The following PNKD variants were observed in gnomAD, a reference collection of about 807,000 sequenced individuals.
PNKD encodes the protein probable thioesterase PNKD.
A neutral mutation model predicts 45.3 loss-of-function variants in PNKD; 36 were observed. That is an observed-to-expected ratio of 0.80 (90% confidence interval 0.61 to 1.05). The LOEUF (loss-of-function observed/expected upper bound fraction) is 1.05. Among genes scored for constraint, PNKD ranks in the 50% least tolerant of loss-of-function variants. PNKD has a pLI of 0.00. For missense variants in PNKD, 511 were observed against 506.6 expected, an observed-to-expected ratio of 1.01 and a Z score of -0.08; for synonymous variants, 197 against 210.1, an observed-to-expected ratio of 0.94 and a Z score of 0.54.
At chr2:218,298,012 AGAG>A (rs925969201) in intron 2 of PNKD, among the ~76,000 whole-genome samples, 2 of 135,618 alleles carry the variant, frequency 1.5e-5, no homozygotes, top group African/African-American at 5.5e-5. Context: ...AAAAAAAAAA[AGAG>A]AGAGAGAAAT....
intron 2 of PNKD, among the ~76,000 whole-genome samples, chr2:218,303,485 G>C (rs1693325694): frequency 6.6e-6 from 1 of 151,848 alleles, no homozygotes; most frequent in Non-Finnish European, 1.5e-5. Flanking sequence ...GCCTTGAGGA[G>C]CCACCTTGGC....
chr2:218,297,566 TC>T (rs1203496264), intron 2 of PNKD, among the ~76,000 whole-genome samples: 1 of 150,998 alleles, frequency 6.6e-6, no homozygotes. Flanking sequence ...ATGCCTGTAG[TC>T]CCAGCTACAC....
Position 218,346,407 on chromosome 2 carries a change from C to T in PNKD, c.*1426C>T, listed in dbSNP as rs1375277224. 6.5e-6 allele frequency: 1 copy of T among 153,590 alleles called. No homozygotes were observed. Among genetic ancestry groups the T allele is most frequent in the Non-Finnish European group, 1.5e-5 (1 of 68,142 alleles). The allele number at this position is 153,590 out of a possible 1,614,324, so 9.5% of individuals were successfully genotyped here. ...CAATACCACCAGACTAGTTAGAGTT[C>T]CCCACTCACCAAGCAAGACATGCAG... On this transcript the variant is annotated 3_prime_UTR_variant, in exon 10 of 10. Transcript: ENST00000273077.
chr2:218,297,997 C>CAAA (rs60172979), intron 2 of PNKD, among the ~76,000 whole-genome samples: 4 of 130,200 alleles, frequency 3.1e-5, no homozygotes, highest in African/African-American at 1.1e-4. Flanking sequence ...GACTCCATCT[C>CAAA]AAAAAAAAAA....
At chr2:218,285,685 TAG>T in intron 2 of PNKD, 1 of 152,454 alleles carries the variant, frequency 6.6e-6, no homozygotes, top group Middle Eastern at 3.4e-3. Context: ...GCTGTCTACA[TAG>T]AGAGACCTGG....
chr2:218,277,966 A>T, intron 2 of PNKD: 1 of 1,614,188 alleles, frequency 6.2e-7, no homozygotes, highest in Non-Finnish European at 8.5e-7. Context: ...GTTCCATGGG[A>T]AACGGCGTCT....
rs541338267 is a variant in PNKD at position 218,331,473 on chromosome 2, A to T, written c.237-8310A>T. 1.5e-3 allele frequency among the ~76,000 whole-genome samples: 228 copies of T among 150,964 alleles called. 1 individual carries two copies. The highest frequency in any genetic ancestry group is 5.3e-3 in the African/African-American group (217 of 41,240). ...ATGCTTTTTATTTTTATTTTTATTT[A>T]TTTATTTTTTTATTTTAGAGGGAGT... is the stretch of plus-strand genomic sequence containing the variant. On this transcript the variant is annotated intron_variant, in intron 2 of 9. Transcript: ENST00000273077.
intron 2 of PNKD, among the ~76,000 whole-genome samples, chr2:218,301,418 G>A (rs961203928): frequency 3.3e-5 from 5 of 152,114 alleles, no homozygotes; most frequent in African/African-American, 1.2e-4. Flanking sequence ...TCTAGGAAGC[G>A]GTTGGAACAA....
chr2:218,340,199 C>T lies in PNKD; in HGVS notation c.465+58C>T, dbSNP rs527238602. The T allele has an allele frequency of 5.2e-5, 57 of 1,087,528 alleles. 1 individual carries two copies. Among genetic ancestry groups the T allele is most frequent in the South Asian group, 8.7e-5 (7 of 80,454 alleles). 67.4% of individuals were successfully genotyped at this position (1,087,528 alleles called of 1,614,324 possible). A position where few individuals can be genotyped will look rare whatever the true frequency, so the allele number is the denominator to read the frequency against. On this transcript the variant is annotated intron_variant, in intron 4 of 9. Transcript: ENST00000273077. This position sits in a 1 kb window ranked among gnomAD's most constrained non-coding sequence, Gnocchi z 4.2. ...GAGTCACCTTGGGGACTGGCAGTTT[C>T]GCCTTGCTAGAGAGGGCTGACCCTT...
At chr2:218,282,447 G>A (rs1056898072) in intron 2 of PNKD, among the ~76,000 whole-genome samples, 55 of 152,354 alleles carry the variant, frequency 3.6e-4, no homozygotes, top group Admixed American at 3.5e-3. Context: ...GGAAGGATTC[G>A]CTGAGGAGAG....
intron 6 of PNKD, 138 bp from the exon 7 acceptor site, chr2:218,341,843 C>A: frequency 1.2e-6 from 1 of 810,582 alleles, no homozygotes; most frequent in Non-Finnish European, 2.1e-6. Flanking sequence ...GACCTGAGAC[C>A]CGAGGCACTG....
At chr2:218,274,343 C>T (rs950122058) in intron 2 of PNKD, 5 of 155,012 alleles carry the variant, frequency 3.2e-5, no homozygotes, top group East Asian at 3.8e-4. Flanking sequence ...TGACCCTTGT[C>T]CCCCTTCCCC....
chr2:218,302,889 A>G (rs1693308370), intron 2 of PNKD, among the ~76,000 whole-genome samples: 2 of 151,972 alleles, frequency 1.3e-5, no homozygotes, highest in South Asian at 2.1e-4. Context: ...CTGATTGGCA[A>G]TTGATTAAAA....
At chr2:218,335,667 C>T (rs57678725) in intron 2 of PNKD, among the ~76,000 whole-genome samples, 18,434 of 151,548 alleles carry the variant, frequency 0.12, 1,430 homozygotes, top group African/African-American at 0.21. Context: ...AGAAGGCCTA[C>T]GAAAAAGGAA....
At chr2:218,321,665 G>A (rs2106273399) in intron 2 of PNKD, among the ~76,000 whole-genome samples, 2 of 106,430 alleles carry the variant, frequency 1.9e-5, no homozygotes. Context: ...TCTCACCCCT[G>A]TCACCTAGGC....
At chr2:218,343,283 G>A (rs748228380) in intron 7 of PNKD, among the ~76,000 whole-genome samples, 34 of 152,194 alleles carry the variant, frequency 2.2e-4, no homozygotes, top group Non-Finnish European at 7.3e-5. Context: ...GTCACTGTGT[G>A]CAACGGAGGC....
intron 2 of PNKD, among the ~76,000 whole-genome samples, chr2:218,271,858 T>C (rs1353894502): frequency 1.3e-5 from 2 of 152,208 alleles, no homozygotes; most frequent in Non-Finnish European, 2.9e-5. Context: ...GTTGAGATCA[T>C]GTGAGCTTGT....
intron 2 of PNKD, chr2:218,334,827 G>A: frequency 2.9e-6 from 2 of 689,464 alleles, no homozygotes; most frequent in South Asian, 3.1e-5. Context: ...ATAATTAGTG[G>A]TTATTTTGTG....
chr2:218,277,003 C>G, intron 2 of PNKD: 1 of 1,613,466 alleles, frequency 6.2e-7, no homozygotes, highest in Non-Finnish European at 8.5e-7. Flanking sequence ...GGGACACTCA[C>G]GTATTGGAAG....
Sources: gnomAD v4.1 joint callset for allele counts (sites outside exome capture counted in the v4.1 genomes callset) on GRCh38, gnomAD v4.1.1 for gene constraint, Gnocchi (gnomAD v3.1) non-coding constraint, MANE v1.5 for transcripts, NCBI Gene and HGNC (gene_info 2026-07-23, HGNC 2026-07-21) for gene names.